Variants in PLCH1 observed in about 807,000 individuals in gnomAD.
PLCH1 encodes the protein 1-phosphatidylinositol 4,5-bisphosphate phosphodiesterase eta-1.
PLCH1 carries 60 observed loss-of-function variants against 126.7 expected under a neutral mutation model. The observed-to-expected ratio is 0.47, with a 90% confidence interval of 0.38 to 0.59. The LOEUF (loss-of-function observed/expected upper bound fraction) is 0.59, where lower values mean the gene tolerates loss of function less well. Among genes scored for constraint, PLCH1 ranks in the 20% least tolerant of loss-of-function variants. The probability of loss-of-function intolerance (pLI) is 0.00; values close to 1 mark genes in which losing one functional copy is unlikely to be tolerated. For missense variants in PLCH1, 1,723 were observed against 2,040.0 expected (o/e 0.84, Z 2.99); for synonymous variants, 719 against 734.9 (o/e 0.98, Z 0.35).
At chr3:155,670,882 C>T (rs1220813974) in intron 2 of PLCH1, among the ~76,000 whole-genome samples, 1 of 152,160 alleles carries the variant, frequency 6.6e-6, no homozygotes, top group Non-Finnish European at 1.5e-5. Flanking sequence ...TACTGTTCCC[C>T]TTTCCATCTC....
chr3:155,500,106 T>C (rs1377681206), intron 14 of PLCH1, among the ~76,000 whole-genome samples: 1 of 152,192 alleles, frequency 6.6e-6, no homozygotes. Flanking sequence ...CTGTAATGAA[T>C]CATGTGTCAC....
At chr3:155,671,147 T>C (rs1454658007) in intron 2 of PLCH1, among the ~76,000 whole-genome samples, 3 of 152,178 alleles carry the variant, frequency 2.0e-5, no homozygotes, top group African/African-American at 7.2e-5. Context: ...CCAGCAGGAT[T>C]CAAATGTCAG....
At chr3:155,704,541 G>A (rs916381106) in intron 1 of PLCH1, among the ~76,000 whole-genome samples, 1 of 152,168 alleles carries the variant, frequency 6.6e-6, no homozygotes, top group African/African-American at 2.4e-5. Flanking sequence ...CCTACCATCA[G>A]AGAGCAGGTT....
chr3:155,526,244 C>T (rs771422871), intron 10 of PLCH1, among the ~76,000 whole-genome samples: 1 of 152,050 alleles, frequency 6.6e-6, no homozygotes, highest in Non-Finnish European at 1.5e-5. Flanking sequence ...GTGGCCTGGA[C>T]CTAGTGCCCG....
rs945647543 is a variant in PLCH1, at chr3:155,676,132, G to T, written c.79+28014C>A. ...CCTGATACACATTTCCAAAAAGGGT[G>T]GGGGGAAAAAAGGCAAAGAAATCCT... On this transcript the variant is annotated intron_variant, in intron 2 of 22. Coordinates refer to ENST00000460012, the MANE Select transcript of PLCH1 (RefSeq NM_014996.4). The T allele has an allele frequency of 1.5e-5, 20 of 1,378,520 alleles. No individual in the cohort carries two copies. The South Asian group carries it at 3.7e-4, about 25-fold the overall frequency. 85.4% of individuals were successfully genotyped at this position (1,378,520 alleles called of 1,614,324 possible).
At chr3:155,624,674 A>C (rs1737000041) in intron 2 of PLCH1, among the ~76,000 whole-genome samples, 2 of 152,232 alleles carry the variant, frequency 1.3e-5, no homozygotes, top group South Asian at 2.1e-4. Context: ...ACCTAGAAAT[A>C]CAACTTACAA....
chr3:155,720,953 T>C (rs1403978395), intron 1 of PLCH1, among the ~76,000 whole-genome samples: 1 of 152,250 alleles, frequency 6.6e-6, no homozygotes, highest in Non-Finnish European at 1.5e-5. Flanking sequence ...TTGACATTTA[T>C]TCCAGCACCA....
rs146560547 is a variant in PLCH1 at position 155,595,082 on chromosome 3, A to G, written c.227-898T>C. On this transcript the variant is annotated intron_variant, in intron 3 of 22. Coordinates refer to ENST00000460012, the MANE Select transcript of PLCH1 (RefSeq NM_014996.4). ...GAGGCAGAAACAGATATAGAAAGAT[A>G]AGGCCCATTCCAGGGATGCTGAGCA... 5.0e-3 allele frequency among the ~76,000 whole-genome samples: 768 copies of G among 152,332 alleles called. 8 individuals are homozygous for G. The highest frequency in any genetic ancestry group is 0.018 in the African/African-American group (732 of 41,570).
intron 6 of PLCH1, among the ~76,000 whole-genome samples, chr3:155,580,075 T>C (rs994875626): frequency 1.3e-5 from 2 of 152,188 alleles, no homozygotes; most frequent in African/African-American, 4.8e-5. Context: ...TATCAAAAAA[T>C]GTTAATCAAA....
At chr3:155,518,236 T>G (rs1720616871) in intron 11 of PLCH1, among the ~76,000 whole-genome samples, 2 of 152,178 alleles carry the variant, frequency 1.3e-5, no homozygotes, top group African/African-American at 4.8e-5. Flanking sequence ...AACCCACAAA[T>G]AAGGGGGAGA....
intron 2 of PLCH1, among the ~76,000 whole-genome samples, chr3:155,608,534 C>T (rs968297731): frequency 2.0e-5 from 3 of 152,140 alleles, no homozygotes; most frequent in African/African-American, 4.8e-5. Context: ...AGTTTCCCCC[C>T]ACTTCCCTAG....
At chr3:155,708,641 A>G (rs1746865161) in intron 1 of PLCH1, among the ~76,000 whole-genome samples, 1 of 152,152 alleles carries the variant, frequency 6.6e-6, no homozygotes, top group South Asian at 2.1e-4. Context: ...ATTACATTAG[A>G]GATGTATTTC....
At chr3:155,731,210 T>A (rs2109176402) in intron 1 of PLCH1, among the ~76,000 whole-genome samples, 2 of 152,310 alleles carry the variant, frequency 1.3e-5, no homozygotes, top group East Asian at 3.9e-4. Flanking sequence ...CCAGCCCCCA[T>A]GGACTTAGGC....
intron 2 of PLCH1, among the ~76,000 whole-genome samples, chr3:155,693,817 C>G (rs1183899627): frequency 2.0e-5 from 3 of 151,990 alleles, no homozygotes; most frequent in Non-Finnish European, 4.4e-5. Flanking sequence ...GTAATCCCAG[C>G]TCCTTGAGAG....
intron 2 of PLCH1, among the ~76,000 whole-genome samples, chr3:155,639,072 A>T (rs1268695317): frequency 6.6e-6 from 1 of 151,894 alleles, no homozygotes; most frequent in Non-Finnish European, 1.5e-5. Context: ...GATAACTAGT[A>T]AATATCGGTT....
chr3:155,515,945 A>C (rs943665863), intron 11 of PLCH1, among the ~76,000 whole-genome samples: 2 of 152,218 alleles, frequency 1.3e-5, no homozygotes, highest in African/African-American at 2.4e-5. Flanking sequence ...GCTTTCCAAT[A>C]ATGCATTCAT....
At chr3:155,739,587 C>A (rs1275968035) in intron 1 of PLCH1, among the ~76,000 whole-genome samples, 1 of 152,176 alleles carries the variant, frequency 6.6e-6, no homozygotes, top group African/African-American at 2.4e-5. Context: ...CAGAAACTCT[C>A]TACCTGTCTA....
rs560340960 is a variant in PLCH1 at position 155,542,188 on chromosome 3, T to C, written c.1362+7599A>G. On this transcript the variant is annotated intron_variant, in intron 10 of 22. Coordinates refer to ENST00000460012, the MANE Select transcript of PLCH1 (RefSeq NM_014996.4). ...AATCGGGTCACTCCCACCCCAATACTGCGCTTTTCCGACGGGCTTAAAAAA... is the reference window on the plus strand; with the variant it reads ...AATCGGGTCACTCCCACCCCAATACCGCGCTTTTCCGACGGGCTTAAAAAA... Among the ~76,000 whole-genome samples, 4 of 152,290 alleles carry C rather than the reference T, an allele frequency of 2.6e-5. No individual in the cohort carries two copies. In the East Asian group the frequency reaches 7.7e-4, roughly 29 times the overall value.
intron 8 of PLCH1, among the ~76,000 whole-genome samples, chr3:155,563,359 A>G (rs1727890029): frequency 1.3e-5 from 2 of 152,236 alleles, no homozygotes; most frequent in Admixed American, 1.3e-4. Flanking sequence ...TAAATTCAGC[A>G]GATGGAAAAC....
Sources: gnomAD v4.1 joint callset for allele counts (sites outside exome capture counted in the v4.1 genomes callset) on GRCh38, gnomAD v4.1.1 for gene constraint, MANE v1.5 for transcripts, NCBI Gene and HGNC (gene_info 2026-07-23, HGNC 2026-07-21) for gene names.